The following WFDC3 variants were observed in gnomAD, a reference collection of about 807,000 sequenced individuals.
The protein encoded by WFDC3 is WAP four-disulfide core domain protein 3.
WFDC3 carries 15 observed loss-of-function variants against 25.8 expected under a neutral mutation model. The observed-to-expected ratio is 0.58, with a 90% CI of 0.39 to 0.89. The LOEUF (loss-of-function observed/expected upper bound fraction) is 0.89, where lower values mean the gene tolerates loss of function less well. Ranked by LOEUF, WFDC3 falls within the 40% of genes least tolerant of loss-of-function variation. The pLI is 0.00. For synonymous variants in WFDC3, 103 were observed against 107.1 expected, an observed-to-expected ratio of 0.96 and a Z score of 0.24; for missense variants, 264 against 289.8, an observed-to-expected ratio of 0.91 and a Z score of 0.65.
At chr20:45,782,480 C>T (rs1205704388) in intron 4 of WFDC3, among the ~76,000 whole-genome samples, 5 of 151,796 alleles carry the variant, frequency 3.3e-5, no homozygotes, top group Non-Finnish European at 5.9e-5. Context: ...TAGGTTCAAG[C>T]GATTCTCCTG....
chr20:45,777,072 T>A lies in WFDC3; in HGVS notation c.493+3A>T. 1.2e-6 allele frequency: 2 copies of A among 1,612,654 alleles called. No individual in the cohort carries two copies. Among genetic ancestry groups the A allele is most frequent in the Non-Finnish European group, 1.7e-6 (2 of 1,179,648 alleles). On this transcript the variant is annotated splice_donor_region_variant and intron_variant, in intron 5 of 6. Transcript: ENST00000243938. ...GGATTTCTTCCCAAAAGAGCCAACA[T>A]ACCTCCCTCAATGTCTCCGAGGCAG...
chr20:45,790,183 C>A (rs1181999510), intron 1 of WFDC3: 8 of 509,936 alleles, frequency 1.6e-5, no homozygotes, highest in Non-Finnish European at 2.8e-5. Flanking sequence ...CTGGCACTAC[C>A]AAAGGGGACC....
At position 45,788,916 on chromosome 20, in the gene WFDC3, CT is replaced by C. The variant is rs753820616; in HGVS notation, c.211+14del. 1.2e-5 allele frequency: 20 copies of C among 1,600,790 alleles called. No individual in the cohort carries two copies. The highest frequency in any genetic ancestry group is 1.8e-5 in the Admixed American group (1 of 56,522). Reference sequence around the variant, plus strand: ...CAGAGAGTATGCCCAGATTTTGCCCCTCATGCCAACATACCCTTAGGAATGT... The same window carrying C: ...CAGAGAGTATGCCCAGATTTTGCCCCCATGCCAACATACCCTTAGGAATGT... On this transcript the variant is annotated intron_variant, in intron 3 of 6. Coordinates refer to ENST00000243938, the MANE Select transcript of WFDC3 (RefSeq NM_080614.2).
At chr20:45,783,737 A>G (rs1980550074) in intron 4 of WFDC3, among the ~76,000 whole-genome samples, 1 of 152,050 alleles carries the variant, frequency 6.6e-6, no homozygotes, top group South Asian at 2.1e-4. Flanking sequence ...CAAACAGACC[A>G]GCGCTGGCTA....
At chr20:45,784,521 C>G (rs1955525955) in intron 4 of WFDC3, among the ~76,000 whole-genome samples, 1 of 152,198 alleles carries the variant, frequency 6.6e-6, no homozygotes, top group South Asian at 2.1e-4. Context: ...GCCGGTGGAT[C>G]ACCTGAAGTC....
At chr20:45,777,361 T>C (rs1303414871) in intron 4 of WFDC3, 152 bp from the exon 5 acceptor site, 1 of 942,896 alleles carries the variant, frequency 1.1e-6, no homozygotes, top group Non-Finnish European at 1.3e-6. Context: ...ATACATCTGA[T>C]TTTTTTTAAG....
rs1427194120 is a variant in WFDC3 at position 45,783,706 on chromosome 20, C to CAAAG, written c.358+4129_358+4130insCTTT. 6.6e-5 allele frequency among the ~76,000 whole-genome samples: 10 copies of CAAAG among 152,102 alleles called. No individual in the cohort carries two copies. In the East Asian group the frequency reaches 9.8e-4, roughly 15 times the overall value. The stretch of plus-strand genomic sequence containing the variant: ...ATGTCTGCCCTTGCCCTCAGGCAAC[C>CAAAG]TGACTGAACCTCCACTTTGCCAAAC... On this transcript the variant is annotated intron_variant, in intron 4 of 6. Coordinates refer to ENST00000243938, the MANE Select transcript of WFDC3 (RefSeq NM_080614.2).
In WFDC3 at chr20:45,777,812, C is replaced by A. The variant is rs530929876; in HGVS notation, c.359-603G>T. Reference sequence around the variant, plus strand: ...CCAGGATTACAGGCGTGAGCCCCCCCACCCAGCCCACCCTGATATTTTATA... The same window carrying A: ...CCAGGATTACAGGCGTGAGCCCCCCAACCCAGCCCACCCTGATATTTTATA... On this transcript the variant is annotated intron_variant, in intron 4 of 6. Coordinates refer to ENST00000243938, the MANE Select transcript of WFDC3 (RefSeq NM_080614.2). 3.8e-4 allele frequency among the ~76,000 whole-genome samples: 54 copies of A among 140,654 alleles called. 1 individual carries two copies. Among genetic ancestry groups the A allele is most frequent in the Non-Finnish European group, 1.1e-4 (7 of 63,896 alleles). 92.3% of individuals were successfully genotyped at this position (140,654 alleles called of 152,430 possible).
At chr20:45,789,671 G>A (rs552129902) in intron 2 of WFDC3, among the ~76,000 whole-genome samples, 2 of 152,266 alleles carry the variant, frequency 1.3e-5, no homozygotes, top group African/African-American at 4.8e-5. Context: ...AGAACCTCTA[G>A]TAAGCCCAAC....
intron 4 of WFDC3, among the ~76,000 whole-genome samples, chr20:45,781,697 G>T (rs1980451624): frequency 6.6e-6 from 1 of 152,168 alleles, no homozygotes; most frequent in Non-Finnish European, 1.5e-5. Flanking sequence ...TCTACTGGGG[G>T]CTGGTCACTT....
intron 1 of WFDC3, among the ~76,000 whole-genome samples, chr20:45,790,586 A>G (rs142062171): frequency 6.6e-6 from 1 of 152,304 alleles, no homozygotes; most frequent in East Asian, 1.9e-4. Flanking sequence ...TCAGCTGGGC[A>G]TGCTGGTGCA....
Position 45,774,299 on chromosome 20 carries a change from G to T in WFDC3, c.*129C>A. ...TTTCCCATGCTCTGGTCAGCGGCAG[G>T]AGGAGAAGCAGAGCAGAGAGGGCCA... On this transcript the variant is annotated 3_prime_UTR_variant, in exon 7 of 7. Coordinates refer to ENST00000243938, the MANE Select transcript of WFDC3 (RefSeq NM_080614.2). 1.6e-6 allele frequency: 2 copies of T among 1,272,134 alleles called. No homozygotes were observed. The highest frequency in any genetic ancestry group is 2.3e-6 in the Non-Finnish European group (2 of 872,710). 78.8% of individuals were successfully genotyped at this position (1,272,134 alleles called of 1,614,324 possible).
chr20:45,787,298 T>C (rs1339771637), intron 4 of WFDC3, among the ~76,000 whole-genome samples: 2 of 125,000 alleles, frequency 1.6e-5, no homozygotes, highest in East Asian at 4.4e-4. Context: ...TTTTTTTTTT[T>C]TTTTTTTTTT....
chr20:45,786,624 A>T (rs1287929612), intron 4 of WFDC3, among the ~76,000 whole-genome samples: 2 of 152,218 alleles, frequency 1.3e-5, no homozygotes, highest in Admixed American at 6.5e-5. Context: ...CAAACAGTAC[A>T]CATTCAATAA....
chr20:45,781,707 T>C (rs1980451867), intron 4 of WFDC3, among the ~76,000 whole-genome samples: 1 of 152,162 alleles, frequency 6.6e-6, no homozygotes. Flanking sequence ...GCTGGTCACT[T>C]AGGCACCCTC....
Position 45,777,151 on chromosome 20 carries a change from C to T in WFDC3, c.417G>A (p.Gly139=), listed in dbSNP as rs1286838789. Residue 139 remains glycine (G), a synonymous_variant, in exon 5 of 7, where the codon GGG becomes GGA. Coordinates refer to ENST00000243938, the MANE Select transcript of WFDC3 (RefSeq NM_080614.2). ...DPLPCEELCD[G]DASCPQGHKC... is the part of the protein sequence containing the mutation. ...TATGCCCCTGGGGACAGGATGCATC[C>T]CCATCACACAGCTCCTCACACGGAA... The T allele has an allele frequency of 4.4e-6, 7 of 1,607,712 alleles. No homozygotes were observed. Among genetic ancestry groups the T allele is most frequent in the Non-Finnish European group, 5.9e-6 (7 of 1,177,140 alleles).
intron 3 of WFDC3, 133 bp downstream of exon 3, chr20:45,788,798 G>C: frequency 2.4e-6 from 3 of 1,269,556 alleles, no homozygotes; most frequent in Non-Finnish European, 3.2e-6. Flanking sequence ...GACCCTAAAA[G>C]AGTAAAGAAG....
intron 4 of WFDC3, among the ~76,000 whole-genome samples, chr20:45,787,093 CAAAAAAAAAAAAAAA>C (rs71181858): frequency 7.5e-5 from 2 of 26,806 alleles, no homozygotes; most frequent in Admixed American, 5.5e-4. Flanking sequence ...GACTCTCTCT[CAAAAAAAAAAAAAAA>C]AAAAAAAAAA....
chr20:45,788,029 C>T (rs756286810), intron 3 of WFDC3, 47 bp from the exon 4 acceptor site: 5 of 1,586,086 alleles, frequency 3.2e-6, no homozygotes, highest in Non-Finnish European at 3.4e-6. Context: ...ATAGGCCGAG[C>T]GCCATGGCTC....
Sources: gnomAD v4.1 joint callset for allele counts (sites outside exome capture counted in the v4.1 genomes callset) on GRCh38, gnomAD v4.1.1 for gene constraint, MANE v1.5 for transcripts, NCBI Gene and HGNC (gene_info 2026-07-23, HGNC 2026-07-21) for gene names.